The following LHFPL2 variants were observed in gnomAD, a reference collection of about 807,000 sequenced individuals.
LHFPL2 encodes LHFPL tetraspan subfamily member 2 protein.
A neutral mutation model predicts 17.5 loss-of-function variants in LHFPL2; 7 were observed. The ratio of observed to expected loss-of-function variants is 0.40; its 90% CI spans 0.23 to 0.75. The LOEUF (loss-of-function observed/expected upper bound fraction) is 0.75. LHFPL2 is among the 30% of genes least tolerant of loss of function. The pLI is 0.37. For synonymous variants in LHFPL2, 134 were observed against 116.2 expected (o/e 1.15, Z -0.99); for missense variants, 241 against 294.8 (o/e 0.82, Z 1.34).
chr5:78,629,228 C>T (rs1002300488), intron 2 of LHFPL2, among the ~76,000 whole-genome samples: 3 of 152,052 alleles, frequency 2.0e-5, no homozygotes, highest in Non-Finnish European at 4.4e-5. Context: ...TGAAAGGGGA[C>T]ATGATAATGA....
intron 2 of LHFPL2, among the ~76,000 whole-genome samples, chr5:78,614,100 G>A (rs1372318): frequency 0.6 from 91,609 of 152,064 alleles, 28,767 homozygotes; most frequent in Non-Finnish European, 0.71. Context: ...ATTTGGCGCC[G>A]ATGCTATGAG....
At chr5:78,539,429 C>T (rs1580788524) in intron 3 of LHFPL2, among the ~76,000 whole-genome samples, 1 of 152,114 alleles carries the variant, frequency 6.6e-6, no homozygotes, top group South Asian at 2.1e-4. Context: ...TCTGTGAAGT[C>T]GGAGGTGGCA....
At chr5:78,552,871 C>T (rs755333870) in intron 3 of LHFPL2, among the ~76,000 whole-genome samples, 3 of 152,284 alleles carry the variant, frequency 2.0e-5, no homozygotes, top group Non-Finnish European at 4.4e-5. Flanking sequence ...TATACAGAAT[C>T]GCCAACCAGC....
intron 2 of LHFPL2, among the ~76,000 whole-genome samples, chr5:78,609,010 T>C (rs565122936): frequency 6.6e-6 from 1 of 151,942 alleles, no homozygotes; most frequent in South Asian, 2.1e-4. Context: ...TAATAAAAAA[T>C]GGCATGACCT....
chr5:78,534,855 G>A (rs1048828166), intron 3 of LHFPL2, among the ~76,000 whole-genome samples: 5 of 152,198 alleles, frequency 3.3e-5, no homozygotes, highest in Non-Finnish European at 7.3e-5. Flanking sequence ...TGTGGGAGCG[G>A]GTAGAGGCAG....
chr5:78,494,501 G>A (rs1160787467), intron 4 of LHFPL2: 3 of 985,270 alleles, frequency 3.0e-6, no homozygotes, highest in African/African-American at 1.7e-5. Flanking sequence ...GCATCTGCTG[G>A]CAATGGGGGG....
At chr5:78,604,155 T>A (rs1744127248) in intron 2 of LHFPL2, among the ~76,000 whole-genome samples, 1 of 152,052 alleles carries the variant, frequency 6.6e-6, no homozygotes, top group Non-Finnish European at 1.5e-5. Flanking sequence ...CTTAAAACCA[T>A]AAAATGGTCC....
chr5:78,571,279 T>A lies in LHFPL2; in HGVS notation c.-244-6408A>T, dbSNP rs371108532. Among the ~76,000 whole-genome samples the A allele has an allele frequency of 2.7e-4, 41 of 152,288 alleles. 1 individual carries two copies. The highest frequency in any genetic ancestry group is 8.7e-4 in the African/African-American group (36 of 41,544). ...ATGCTGCATTCTGCAAACCTCAGAT[T>A]TGAGGCCCAGGGCATCTGCCTCTGT... On this transcript the variant is annotated intron_variant, in intron 2 of 4. Transcript: ENST00000380345.
intron 2 of LHFPL2, among the ~76,000 whole-genome samples, chr5:78,617,518 C>T (rs1202382257): frequency 6.6e-6 from 1 of 152,118 alleles, no homozygotes; most frequent in African/African-American, 2.4e-5. Flanking sequence ...AATTTTTCAA[C>T]CTATACTTTA....
At position 78,598,603 on chromosome 5, in the gene LHFPL2, C is replaced by A. The variant is rs1743902966; in HGVS notation, c.-245+33661G>T. ...TAAGTACTTACTTTGAAAAAATTAACTAGACACTTAGAGGACCAAGAACAG... is the reference window on the plus strand; with the variant it reads ...TAAGTACTTACTTTGAAAAAATTAAATAGACACTTAGAGGACCAAGAACAG... On this transcript the variant is annotated intron_variant, in intron 2 of 4. Transcript: ENST00000380345. Among the ~76,000 whole-genome samples the A allele has an allele frequency of 3.3e-5, 5 of 152,292 alleles. No individual in the cohort carries two copies. In the South Asian group the frequency reaches 1.0e-3, roughly 32 times the overall value.
chr5:78,547,117 A>C (rs918128531), intron 3 of LHFPL2, among the ~76,000 whole-genome samples: 3 of 152,116 alleles, frequency 2.0e-5, no homozygotes, highest in African/African-American at 7.2e-5. Context: ...TCTGTGGAAC[A>C]GGCTCAGAAG....
intron 1 of LHFPL2, among the ~76,000 whole-genome samples, chr5:78,635,459 A>G: frequency 6.6e-6 from 1 of 152,172 alleles, no homozygotes; most frequent in South Asian, 2.1e-4. Flanking sequence ...AAAATGGATC[A>G]TTTTCCAAGT....
chr5:78,520,007 G>A (rs561773893), intron 3 of LHFPL2, among the ~76,000 whole-genome samples: 13 of 151,308 alleles, frequency 8.6e-5, no homozygotes, highest in Middle Eastern at 3.4e-3. Context: ...GGCAATAAAC[G>A]TCACCTCTCT....
chr5:78,636,637 T>TC (rs746410476), intron 1 of LHFPL2, among the ~76,000 whole-genome samples: 26 of 152,308 alleles, frequency 1.7e-4, no homozygotes, highest in Non-Finnish European at 3.4e-4. Flanking sequence ...TTAACAACGC[T>TC]CATTATCTCC....
intron 4 of LHFPL2, among the ~76,000 whole-genome samples, chr5:78,505,067 G>C (rs371765840): frequency 6.6e-6 from 1 of 152,152 alleles, no homozygotes; most frequent in African/African-American, 2.4e-5. Flanking sequence ...TAATGGCTTC[G>C]GTCCCAAACC....
chr5:78,565,309 G>A (rs552360222), intron 2 of LHFPL2, among the ~76,000 whole-genome samples: 3 of 152,300 alleles, frequency 2.0e-5, no homozygotes, highest in Non-Finnish European at 2.9e-5. Flanking sequence ...TTTCAGTTAC[G>A]CTGGTTAATG....
intron 3 of LHFPL2, among the ~76,000 whole-genome samples, chr5:78,543,464 C>T (rs1377329620): frequency 6.6e-6 from 1 of 152,186 alleles, no homozygotes; most frequent in African/African-American, 2.4e-5. Context: ...AGCATGCATC[C>T]ACAGAGCTCT....
At chr5:78,509,704 G>T in intron 4 of LHFPL2, 80 bp downstream of exon 4, 1 of 1,396,288 alleles carries the variant, frequency 7.2e-7, no homozygotes, top group Non-Finnish European at 9.9e-7. Flanking sequence ...AGCAGGAAGC[G>T]AATGCCCAGT....
At position 78,510,084 on chromosome 5, in the gene LHFPL2, C is replaced by G. The variant is rs777157274; in HGVS notation, c.130G>C (p.Val44Leu). ...LIGKARSRGG[V>L]EPAGPGGGSP... ...CCCCCGCCCGGGCCCGCCGGCTCCA[C>G]GCCGCCGCGGCTCCTCGCTTTCCCG... Residue 44 changes from valine to leucine, a missense_variant, in exon 4 of 5, where the codon GTG becomes CTG. By Grantham distance (32) the Val-to-Leu change is conservative. Transcript: ENST00000380345. 2 of 1,612,676 alleles carry G rather than the reference C, an allele frequency of 1.2e-6. No homozygotes were observed. The highest frequency in any genetic ancestry group is 3.3e-5 in the Admixed American group (2 of 59,938).
Sources: allele counts gnomAD v4.1 joint callset (sites outside exome capture counted in the v4.1 genomes callset), GRCh38; gene constraint gnomAD v4.1.1; transcripts MANE v1.5; gene names NCBI Gene and HGNC (gene_info 2026-07-23, HGNC 2026-07-21).